Variants in TG observed in about 807,000 individuals in gnomAD.
TG encodes the protein thyroid hormones.
TG carries 270 observed loss-of-function variants against 324.7 expected under a neutral mutation model. The observed-to-expected ratio is 0.83, with a 90% CI of 0.75 to 0.92. The LOEUF is 0.92. Among genes scored for constraint, TG ranks in the 40% least tolerant of loss-of-function variants. TG has a pLI of 0.00. For missense variants in TG, 3,591 were observed against 3,456.4 expected, an observed-to-expected ratio of 1.04 and a Z score of -0.98; for synonymous variants, 1,401 against 1,327.0, an observed-to-expected ratio of 1.06 and a Z score of -1.21.
At chr8:133,117,793 A>G (rs1850817046) in intron 45 of TG, among the ~76,000 whole-genome samples, 1 of 152,186 alleles carries the variant, frequency 6.6e-6, no homozygotes, top group Non-Finnish European at 1.5e-5. Flanking sequence ...ACTCACATCC[A>G]TGGTCTATTT....
intron 27 of TG, among the ~76,000 whole-genome samples, chr8:132,949,406 A>G (rs1825793489): frequency 6.6e-6 from 1 of 152,208 alleles, no homozygotes; most frequent in African/African-American, 2.4e-5. Flanking sequence ...ATCCTATTGG[A>G]TAAAGCAAAT....
intron 45 of TG, among the ~76,000 whole-genome samples, chr8:133,117,250 A>G (rs1850773135): frequency 6.6e-6 from 1 of 152,238 alleles, no homozygotes; most frequent in African/African-American, 2.4e-5. Flanking sequence ...AGCAATGAGC[A>G]TAGAATTTAG....
chr8:132,988,646 A>T, intron 35 of TG: 1 of 945,174 alleles, frequency 1.1e-6, no homozygotes, highest in Non-Finnish European at 1.3e-6. Flanking sequence ...TTGTTTTATA[A>T]ACAAGTGAAA....
intron 41 of TG, among the ~76,000 whole-genome samples, chr8:133,063,044 G>A (rs1353529904): frequency 6.6e-6 from 1 of 152,188 alleles, no homozygotes; most frequent in Non-Finnish European, 1.5e-5. Flanking sequence ...AGGCCTTTGG[G>A]CTTCTGGGGA....
intron 28 of TG, among the ~76,000 whole-genome samples, chr8:132,962,117 T>A (rs2741219): frequency 0.76 from 114,832 of 151,754 alleles, 43,748 homozygotes; most frequent in African/African-American, 0.84. Context: ...GGTGATGAAG[T>A]GAAGAAGGAA....
chr8:132,957,620 C>T (rs1424132299), intron 27 of TG, among the ~76,000 whole-genome samples: 1 of 151,962 alleles, frequency 6.6e-6, no homozygotes, highest in East Asian at 1.9e-4. Context: ...AGGTAAAGAC[C>T]TTCCTCTTGA....
intron 35 of TG, among the ~76,000 whole-genome samples, chr8:132,989,788 C>T (rs1832073533): frequency 6.6e-6 from 1 of 152,166 alleles, no homozygotes; most frequent in Non-Finnish European, 1.5e-5. Context: ...TAAAAAGTGT[C>T]AGCACCGGCG....
chr8:133,094,509 A>C (rs1588078673), intron 41 of TG: 2 of 183,134 alleles, frequency 1.1e-5, no homozygotes, highest in East Asian at 2.6e-4. Context: ...CAAAGTGAGA[A>C]ACCAGTCATT....
chr8:133,043,258 G>T (rs975999812), intron 41 of TG, among the ~76,000 whole-genome samples: 2 of 152,088 alleles, frequency 1.3e-5, no homozygotes, highest in African/African-American at 4.8e-5. Flanking sequence ...GTAGCCTCAT[G>T]GCCTCATGGT....
chr8:132,933,126 G>A (rs1822960501), intron 23 of TG, among the ~76,000 whole-genome samples: 1 of 143,280 alleles, frequency 7.0e-6, no homozygotes, highest in African/African-American at 2.6e-5. Flanking sequence ...GAGGTTCATG[G>A]TACGTACTTA....
intron 41 of TG, among the ~76,000 whole-genome samples, chr8:133,063,227 G>A (rs1160585542): frequency 4.2e-5 from 6 of 144,014 alleles, no homozygotes; most frequent in East Asian, 2.0e-4. Flanking sequence ...CCAGAACCCC[G>A]CCCCCATAAG....
At chr8:132,948,968 T>G (rs72727436) in intron 27 of TG, 25 bp downstream of exon 27, 2 of 1,609,892 alleles carry the variant, frequency 1.2e-6, no homozygotes, top group South Asian at 2.2e-5. Context: ...TTTGTCCATA[T>G]TCTTTCAAAA....
rs1484136987 is a variant in TG, at chr8:132,887,223, C to T, written c.1851C>T (p.Val617=). ...TCEQTPERLF[V]PSCTTEGSYE... ...AGCAGACACCTGAAAGGCTATTTGT[C>T]CCATCATGCACGACAGAAGGAAGCT... is the stretch of plus-strand genomic sequence containing the variant. Residue 617 remains valine, a synonymous_variant, in exon 9 of 48, where the codon GTC becomes GTT. Coordinates refer to ENST00000220616, the MANE Select transcript of TG (RefSeq NM_003235.5). The T allele has an allele frequency of 1.2e-6, 2 of 1,610,356 alleles. No individual in the cohort carries two copies. Among genetic ancestry groups the T allele is most frequent in the African/African-American group, 1.3e-5 (1 of 74,878 alleles).
chr8:133,048,630 G>A (rs773581461), intron 41 of TG: 12 of 156,392 alleles, frequency 7.7e-5, no homozygotes, highest in South Asian at 1.9e-4. Flanking sequence ...CCCCCAGCTC[G>A]TGCCAGCTGC....
At chr8:132,933,442 G>C (rs1203196265) in intron 23 of TG, 119 bp from the exon 24 acceptor site, 2 of 768,222 alleles carry the variant, frequency 2.6e-6, no homozygotes. Context: ...ATTTGTGTGT[G>C]TGTGTGTGTG....
chr8:132,903,547 TA>T (rs1818233776), intron 16 of TG, among the ~76,000 whole-genome samples: 1 of 152,180 alleles, frequency 6.6e-6, no homozygotes, highest in East Asian at 1.9e-4. Flanking sequence ...CTGAGAGTCT[TA>T]AAGTGACCAG....
chr8:133,045,919 T>C (rs1839295377), intron 41 of TG, among the ~76,000 whole-genome samples: 1 of 152,178 alleles, frequency 6.6e-6, no homozygotes, highest in South Asian at 2.1e-4. Context: ...CTTGCAGTTA[T>C]GCCCCCTTTT....
chr8:132,962,786 CAGAT>C (rs1587594660), intron 28 of TG, among the ~76,000 whole-genome samples: 1 of 152,096 alleles, frequency 6.6e-6, no homozygotes, highest in African/African-American at 2.4e-5. Flanking sequence ...TTCAATATCA[CAGAT>C]AATGATGTTC....
chr8:132,932,252 C>G (rs1327732085), intron 23 of TG, among the ~76,000 whole-genome samples: 1 of 152,060 alleles, frequency 6.6e-6, no homozygotes, highest in Non-Finnish European at 1.5e-5. Flanking sequence ...ATGATGAAAA[C>G]CCCCAGAAGA....
Sources: allele counts gnomAD v4.1 joint callset (sites outside exome capture counted in the v4.1 genomes callset), GRCh38; gene constraint gnomAD v4.1.1; transcripts MANE v1.5; gene names NCBI Gene and HGNC (gene_info 2026-07-23, HGNC 2026-07-21).